The following E2F7 variants were observed in gnomAD, a reference collection of about 807,000 sequenced individuals.
E2F7 encodes the protein transcription factor E2F7.
A neutral mutation model predicts 81.1 loss-of-function variants in E2F7; 35 were observed. That is an observed-to-expected ratio of 0.43 (90% confidence interval 0.33 to 0.57). The LOEUF (loss-of-function observed/expected upper bound fraction) is 0.57. Among genes scored for constraint, E2F7 ranks in the 20% least tolerant of loss-of-function variants. The probability of loss-of-function intolerance (pLI) is 0.04; values close to 1 mark genes in which losing one functional copy is unlikely to be tolerated. For synonymous variants in E2F7, 416 were observed against 416.2 expected (o/e 1.00, Z 0.01); for missense variants, 961 against 1,093.7 (o/e 0.88, Z 1.71).
intron 7 of E2F7, among the ~76,000 whole-genome samples, chr12:77,040,898 C>T (rs1653465111): frequency 6.6e-6 from 1 of 152,132 alleles, no homozygotes; most frequent in South Asian, 2.1e-4. Flanking sequence ...CTGTACCCTG[C>T]TGGTAGGAAA....
chr12:77,044,510 G>A, intron 6 of E2F7, 127 bp downstream of exon 6: 1 of 1,209,800 alleles, frequency 8.3e-7, no homozygotes, highest in Non-Finnish European at 1.1e-6. Flanking sequence ...AAACCTTGAT[G>A]AATGCAGGAA....
In E2F7 at chr12:77,033,007, G is replaced by A. The variant is rs1267938185; in HGVS notation, c.1382+43C>T. ...GCAATTTAGTCAAAGTTAACACTAG[G>A]AGATAGAAAAGAATACACTCTGAGC... On this transcript the variant is annotated intron_variant, in intron 9 of 12. Coordinates refer to ENST00000322886, the MANE Select transcript of E2F7 (RefSeq NM_203394.3). The A allele has an allele frequency of 2.6e-6, 4 of 1,565,758 alleles. No individual in the cohort carries two copies. The African/African-American group carries it at 5.5e-5, about 21-fold the overall frequency.
intron 4 of E2F7, among the ~76,000 whole-genome samples, chr12:77,049,857 A>G (rs965017112): frequency 1.3e-5 from 2 of 152,154 alleles, no homozygotes; most frequent in Non-Finnish European, 2.9e-5. Context: ...AAACCTTCCT[A>G]TTTTTAAGGG....
chr12:77,036,472 C>T (rs1006983094), intron 7 of E2F7, among the ~76,000 whole-genome samples: 2 of 151,878 alleles, frequency 1.3e-5, no homozygotes, highest in African/African-American at 4.8e-5. Flanking sequence ...TTGCAGTGAG[C>T]CATGATCATG....
Position 77,032,168 on chromosome 12 carries a change from C to T in E2F7, c.1382+882G>A, listed in dbSNP as rs750656. Among the ~76,000 whole-genome samples, 803 of 152,330 alleles carry T rather than the reference C, an allele frequency of 5.3e-3. 9 individuals carry two copies. Among genetic ancestry groups the T allele is most frequent in the African/African-American group, 0.018 (758 of 41,560 alleles). The stretch of plus-strand genomic sequence containing the variant: ...CTGTCTTTCTCTACTCCTAATCCCA[C>T]CTGCAAAAAGTAGCCAGGATGATCT... On this transcript the variant is annotated intron_variant, in intron 9 of 12. Transcript: ENST00000322886.
intron 4 of E2F7, 29 bp from the exon 5 acceptor site, chr12:77,046,357 T>C: frequency 1.9e-6 from 3 of 1,593,150 alleles, no homozygotes; most frequent in Non-Finnish European, 2.6e-6. Context: ...CTGATGGACA[T>C]CATGCAGACA....
chr12:77,032,160 T>TA (rs1954813102), intron 9 of E2F7, among the ~76,000 whole-genome samples: 1 of 152,230 alleles, frequency 6.6e-6, no homozygotes, highest in South Asian at 2.1e-4. Context: ...TCTCTACTCC[T>TA]AATCCCACCT....
At chr12:77,041,158 C>T (rs753749454) in intron 7 of E2F7, among the ~76,000 whole-genome samples, 4 of 152,194 alleles carry the variant, frequency 2.6e-5, no homozygotes, top group African/African-American at 7.2e-5. Flanking sequence ...ACGAACTCCT[C>T]GACTTCTCAA....
Position 77,044,429 on chromosome 12 carries a change from C to T in E2F7, c.988+208G>A, listed in dbSNP as rs144858572. The stretch of plus-strand genomic sequence containing the variant: ...CTGTTTTTCACTCTACTGAAACCAC[C>T]GAGGAAAAGGCACTGACAGGACTCT... On this transcript the variant is annotated intron_variant, in intron 6 of 12. Coordinates refer to ENST00000322886, the MANE Select transcript of E2F7 (RefSeq NM_203394.3). 8.4e-5 allele frequency: 51 copies of T among 607,054 alleles called. No homozygotes were observed. In the East Asian group the frequency reaches 1.3e-3, roughly 15 times the overall value. 37.6% of individuals were successfully genotyped at this position (607,054 alleles called of 1,614,324 possible).
Position 77,023,977 on chromosome 12 carries a change from G to C in E2F7, c.*38C>G. ...CCGCCTCGGACATCCGGGACTCTCA[G>C]GGCGTTTGATCCCACCCCCACCTGG... is the stretch of plus-strand genomic sequence containing the variant. On this transcript the variant is annotated 3_prime_UTR_variant, in exon 13 of 13. Coordinates refer to ENST00000322886, the MANE Select transcript of E2F7 (RefSeq NM_203394.3). The C allele has an allele frequency of 6.2e-7, 1 of 1,605,068 alleles. No homozygotes were observed. The highest frequency in any genetic ancestry group is 1.3e-5 in the African/African-American group (1 of 74,618).
chr12:77,052,915 G>T (rs557743197), intron 3 of E2F7, among the ~76,000 whole-genome samples: 5 of 152,048 alleles, frequency 3.3e-5, no homozygotes, highest in Non-Finnish European at 7.4e-5. Flanking sequence ...GTGGAAAGAA[G>T]CTTAATCTCA....
At position 77,061,363 on chromosome 12, in the gene E2F7, C is replaced by T. The variant is rs546285376; in HGVS notation, c.93+3180G>A. ...AATGACATTCAAAGAACACCCATGC[C>T]CATTAAGTTTGGGCATTGTCCCCAA... On this transcript the variant is annotated intron_variant, in intron 2 of 12. Transcript: ENST00000322886. Among the ~76,000 whole-genome samples, 36 of 152,276 alleles carry T rather than the reference C, an allele frequency of 2.4e-4. No individual in the cohort carries two copies. In the South Asian group the frequency reaches 4.6e-3, roughly 19 times the overall value.
rs191344783 is a variant in E2F7 at position 77,064,600 on chromosome 12, G to C, written c.36C>G (p.Ile12Met). 6.2e-7 allele frequency: 1 copy of C among 1,613,916 alleles called. No homozygotes were observed. The highest frequency in any genetic ancestry group is 8.5e-7 in the Non-Finnish European group (1 of 1,179,992). Residue 12 changes from isoleucine to methionine, a missense_variant, in exon 2 of 13, where the codon ATC becomes ATG. Physicochemically the swap from Ile to Met is conservative, Grantham distance 10 (BLOSUM62 1). This residue lies in a region of E2F7 where 73 missense variants were observed against 68.4 expected (regional missense o/e 1.07). Coordinates refer to ENST00000322886, the MANE Select transcript of E2F7 (RefSeq NM_203394.3). Reference protein sequence around the residue: ...EVNCLTLKDLISPRQPRLDFA... With the variant: ...EVNCLTLKDLMSPRQPRLDFA... ...AATCTAGTCTGGGCTGCCTGGGGCT[G>C]ATCAGGTCTTTTAGTGTTAAACAAT...
At chr12:77,060,040 G>C (rs1361614027) in intron 2 of E2F7, among the ~76,000 whole-genome samples, 1 of 150,466 alleles carries the variant, frequency 6.6e-6, no homozygotes, top group Non-Finnish European at 1.5e-5. Context: ...GAACTCCCCA[G>C]AGGGTCATTT....
chr12:77,027,985 C>T lies in E2F7; in HGVS notation c.2038G>A (p.Gly680Arg), dbSNP rs1486208352. The change falls in exon 11 of 13, where the codon GGA becomes AGA. Residue 680 changes from glycine (G) to arginine (R), a missense_variant. Transcript: ENST00000322886. ...ACATCTGTATTTCTTGAAGGATTTCCCCACTCAGAAGAAACAAGAGAGTTT... is the reference window on the plus strand; with the variant it reads ...ACATCTGTATTTCTTGAAGGATTTCTCCACTCAGAAGAAACAAGAGAGTTT... ...TANSLVSSEW[G>R]NPSRNTDVEK... is the part of the protein sequence containing the mutation. 2 of 1,614,116 alleles carry T rather than the reference C, an allele frequency of 1.2e-6. No homozygotes were observed. The highest frequency in any genetic ancestry group is 2.2e-5 in the South Asian group (2 of 91,086).
intron 2 of E2F7, among the ~76,000 whole-genome samples, chr12:77,059,900 T>A (rs1163666098): frequency 6.7e-6 from 1 of 149,894 alleles, no homozygotes; most frequent in Non-Finnish European, 1.5e-5. Context: ...GAGGCAGAGC[T>A]TGCAGTGAGC....
rs888966956 is a variant in E2F7 at position 77,023,394 on chromosome 12, A to T, written c.*621T>A. On this transcript the variant is annotated 3_prime_UTR_variant, in exon 13 of 13. Coordinates refer to ENST00000322886, the MANE Select transcript of E2F7 (RefSeq NM_203394.3). The stretch of plus-strand genomic sequence containing the variant: ...GTGTCATGTAGATACATTTATCCAC[A>T]TTATTACTAGGTTGTAAAATAAGTG... 3.3e-5 allele frequency: 5 copies of T among 152,790 alleles called. No individual in the cohort carries two copies. The highest frequency in any genetic ancestry group is 7.3e-5 in the Non-Finnish European group (5 of 68,144). 9.5% of individuals were successfully genotyped at this position (152,790 alleles called of 1,614,324 possible). A position where few individuals can be genotyped will look rare whatever the true frequency, so the allele number is the denominator to read the frequency against.
At chr12:77,029,571 A>G (rs1954787104) in intron 10 of E2F7, among the ~76,000 whole-genome samples, 1 of 152,232 alleles carries the variant, frequency 6.6e-6, no homozygotes, top group Non-Finnish European at 1.5e-5. Context: ...TGATGCCTCT[A>G]TGTGGTGGGA....
rs1311817283 is a variant in E2F7 at position 77,021,464 on chromosome 12, A to G, written c.*2551T>C. 6.6e-6 allele frequency: 1 copy of G among 152,610 alleles called. No homozygotes were observed. The allele number at this position is 152,610 out of a possible 1,614,324, so 9.5% of individuals were successfully genotyped here. ...AAATTAATACCTACATACAACTAGCAGTGCAATAAGATAAGCAGAAAGCAG... is the reference window on the plus strand; with the variant it reads ...AAATTAATACCTACATACAACTAGCGGTGCAATAAGATAAGCAGAAAGCAG... On this transcript the variant is annotated 3_prime_UTR_variant, in exon 13 of 13. Coordinates refer to ENST00000322886, the MANE Select transcript of E2F7 (RefSeq NM_203394.3).
Sources: gnomAD v4.1 joint callset for allele counts (sites outside exome capture counted in the v4.1 genomes callset) on GRCh38, gnomAD v4.1.1 for gene constraint, gnomAD v4.1.1 regional missense constraint, MANE v1.5 for transcripts, NCBI Gene and HGNC (gene_info 2026-07-23, HGNC 2026-07-21) for gene names.